The following PITPNB variants were observed in gnomAD, a reference collection of about 807,000 sequenced individuals.
PITPNB encodes phosphatidylinositol transfer protein beta, also known as phosphatidylinositol transfer protein beta isoform.
In PITPNB, 16 loss-of-function variants were observed where a neutral mutation model predicts 45.9. The ratio of observed to expected loss-of-function variants is 0.35; its 90% CI spans 0.24 to 0.53. The LOEUF (loss-of-function observed/expected upper bound fraction) is 0.53. Ranked by LOEUF, PITPNB falls within the 20% of genes least tolerant of loss-of-function variation. PITPNB has a pLI of 0.93. For missense variants in PITPNB, 188 were observed against 330.5 expected (o/e 0.57, Z 3.34); for synonymous variants, 112 against 108.9 (o/e 1.03, Z -0.18).
chr22:27,889,156 T>A (rs1935203915), intron 7 of PITPNB, among the ~76,000 whole-genome samples: 1 of 152,128 alleles, frequency 6.6e-6, no homozygotes, highest in Non-Finnish European at 1.5e-5. Flanking sequence ...TTCTAGTTGC[T>A]CCATCCTGAT....
chr22:27,885,018 TC>T (rs1317584824), intron 7 of PITPNB, among the ~76,000 whole-genome samples: 1 of 151,014 alleles, frequency 6.6e-6, no homozygotes, highest in Admixed American at 6.6e-5. Context: ...TTTTTTTTTT[TC>T]TAAACCATGC....
At chr22:27,917,219 G>T (rs1049555454) in intron 1 of PITPNB, among the ~76,000 whole-genome samples, 2 of 152,222 alleles carry the variant, frequency 1.3e-5, no homozygotes, top group African/African-American at 4.8e-5. Flanking sequence ...AAAAAGCACA[G>T]TGCGCAAATT....
At chr22:27,911,441 AC>A (rs765743932) in intron 2 of PITPNB, among the ~76,000 whole-genome samples, 9 of 152,240 alleles carry the variant, frequency 5.9e-5, no homozygotes, top group Admixed American at 6.5e-5. Context: ...ATATATTTGT[AC>A]TTTACAAAGC....
At chr22:27,906,301 A>G (rs1273312789) in intron 3 of PITPNB, among the ~76,000 whole-genome samples, 1 of 152,226 alleles carries the variant, frequency 6.6e-6, no homozygotes, top group Non-Finnish European at 1.5e-5. Context: ...GGACTTATAC[A>G]ATTGGGAATC....
intron 7 of PITPNB, among the ~76,000 whole-genome samples, chr22:27,883,311 A>G (rs1477918476): frequency 6.6e-6 from 1 of 152,236 alleles, no homozygotes; most frequent in African/African-American, 2.4e-5. Context: ...CACTGCTTAC[A>G]TGGCTGGGGA....
chr22:27,903,366 G>T (rs1935659120), intron 3 of PITPNB, among the ~76,000 whole-genome samples: 1 of 151,752 alleles, frequency 6.6e-6, no homozygotes, highest in South Asian at 2.1e-4. Context: ...CTACTCGGGA[G>T]GTTGAGGCAG....
intron 10 of PITPNB, among the ~76,000 whole-genome samples, chr22:27,855,768 C>T (rs1934154928): frequency 6.6e-6 from 1 of 152,210 alleles, no homozygotes; most frequent in Non-Finnish European, 1.5e-5. Flanking sequence ...TGCTAGTTCT[C>T]TCCAGGGCCA....
intron 8 of PITPNB, among the ~76,000 whole-genome samples, chr22:27,864,954 A>T (rs1171337148): frequency 2.6e-5 from 4 of 152,108 alleles, no homozygotes; most frequent in African/African-American, 7.2e-5. Flanking sequence ...CTCAAAAAAA[A>T]GAAAAAAAAA....
Position 27,894,570 on chromosome 22 carries a change from A to C in PITPNB, c.441T>G (p.Ser147Arg), listed in dbSNP as rs1473743606. 3.2e-6 allele frequency: 5 copies of C among 1,576,516 alleles called. No homozygotes were observed. The highest frequency in any genetic ancestry group is 4.4e-6 in the Non-Finnish European group (5 of 1,146,640). ...TAATACTTACTGCTGGTTCAACTTG[A>C]CTTCTATCTGCAATATCTATATGGA... ...EIVHIDIADR[S>R]QVEPADYKAD... Residue 147 changes from serine (S) to arginine (R), a missense_variant, in exon 7 of 12, where the codon AGT becomes AGG. Transcript: ENST00000335272.
chr22:27,909,353 A>G (rs1304210123), intron 3 of PITPNB, among the ~76,000 whole-genome samples: 1 of 151,590 alleles, frequency 6.6e-6, no homozygotes, highest in Non-Finnish European at 1.5e-5. Context: ...GGCCTGAGCC[A>G]CCACACTTGG....
intron 7 of PITPNB, among the ~76,000 whole-genome samples, chr22:27,890,337 G>C (rs1445413396): frequency 6.7e-6 from 1 of 150,194 alleles, no homozygotes; most frequent in Non-Finnish European, 1.5e-5. Context: ...TTGTAACAGA[G>C]AAATATGCAT....
At chr22:27,868,002 A>T (rs948386762) in intron 8 of PITPNB, among the ~76,000 whole-genome samples, 2 of 151,694 alleles carry the variant, frequency 1.3e-5, no homozygotes, top group Admixed American at 6.6e-5. Context: ...ACTAGATATT[A>T]AAAAAAAATC....
chr22:27,858,734 G>A (rs907788402), intron 9 of PITPNB, among the ~76,000 whole-genome samples: 3 of 151,944 alleles, frequency 2.0e-5, no homozygotes, highest in African/African-American at 7.3e-5. Flanking sequence ...TAATCTCCTA[G>A]GCAAAGGTGT....
At chr22:27,858,986 C>G (rs1192262675) in intron 9 of PITPNB, among the ~76,000 whole-genome samples, 2 of 152,130 alleles carry the variant, frequency 1.3e-5, no homozygotes, top group African/African-American at 4.8e-5. Context: ...CAAACTCTCC[C>G]TTAATTTTTC....
rs201939331 is a variant in PITPNB at position 27,911,665 on chromosome 22, T to A, written c.52-556A>T. On this transcript the variant is annotated intron_variant, in intron 2 of 11. Transcript: ENST00000335272. ...CTTAGTAGACTTCTGGGGTCATTTT[T>A]AACTTATGACTTATTTATGATACAC... Among the ~76,000 whole-genome samples, 17 of 152,352 alleles carry A rather than the reference T, an allele frequency of 1.1e-4. No individual in the cohort carries two copies. In the East Asian group the frequency reaches 1.3e-3, roughly 12 times the overall value.
chr22:27,886,963 A>C (rs761628555), intron 7 of PITPNB, among the ~76,000 whole-genome samples: 2 of 152,244 alleles, frequency 1.3e-5, no homozygotes, highest in South Asian at 4.1e-4. Context: ...TCAGACTGAG[A>C]CAAAAATCTC....
chr22:27,863,070 C>T (rs1369800478), intron 8 of PITPNB, among the ~76,000 whole-genome samples: 2 of 152,162 alleles, frequency 1.3e-5, no homozygotes, highest in African/African-American at 2.4e-5. Flanking sequence ...GAAGTACTTC[C>T]TAATCCAATG....
intron 3 of PITPNB, among the ~76,000 whole-genome samples, chr22:27,909,968 T>C (rs1935873577): frequency 6.6e-6 from 1 of 150,812 alleles, no homozygotes; most frequent in Admixed American, 6.6e-5. Flanking sequence ...TTTTTTTTTT[T>C]TGAGACGGAG....
At chr22:27,875,785 G>C (rs1934804078) in intron 7 of PITPNB, among the ~76,000 whole-genome samples, 1 of 152,082 alleles carries the variant, frequency 6.6e-6, no homozygotes, top group South Asian at 2.1e-4. Flanking sequence ...CAAGGAAACA[G>C]ATAAAGTAAA....
Sources: allele counts gnomAD v4.1 joint callset (sites outside exome capture counted in the v4.1 genomes callset), GRCh38; gene constraint gnomAD v4.1.1; transcripts MANE v1.5; gene names NCBI Gene and HGNC (gene_info 2026-07-23, HGNC 2026-07-21).